Variants in POM121 observed in about 807,000 individuals in gnomAD.
The protein encoded by POM121 is POM121 transmembrane nucleoporin, also known as nuclear envelope pore membrane protein POM 121.
In POM121, 32 loss-of-function variants were observed where a neutral mutation model predicts 81.3. The observed-to-expected ratio is 0.39, with a 90% CI of 0.30 to 0.53. The LOEUF is 0.53. Among genes scored for constraint, POM121 ranks in the 20% least tolerant of loss-of-function variants. The probability of loss-of-function intolerance (pLI) is 0.66; values close to 1 mark genes in which losing one functional copy is unlikely to be tolerated. For synonymous variants in POM121, 514 were observed against 694.2 expected (o/e 0.74, Z 4.08); for missense variants, 1,138 against 1,614.6 (o/e 0.70, Z 5.06).
Position 72,945,565 on chromosome 7 carries a change from T to C in POM121, c.3530-21T>C, listed in dbSNP as rs370030052. 1,968 of 1,613,144 alleles carry C rather than the reference T, an allele frequency of 1.2e-3. 38 individuals are homozygous for C. The African/African-American group carries it at 0.025, about 20-fold the overall frequency. On this transcript the variant is annotated intron_variant, in intron 11 of 12. Transcript: ENST00000434423. ...CTCTGCCCTCTGCTCACTGGCCAGC[T>C]CTCTGTTCTCTTCATTCCAGGCACC... is the stretch of plus-strand genomic sequence containing the variant.
intron 4 of POM121, chr7:72,913,871 C>T (rs1794044400): frequency 2.0e-5 from 3 of 152,286 alleles, no homozygotes; most frequent in Admixed American, 6.5e-5. Flanking sequence ...CAGCCTGTAG[C>T]AGATGCTGTT....
rs1554496966 is a variant in POM121, at chr7:72,925,324, G to A, written c.203G>A (p.Gly68Glu). The change falls in exon 1 of 13, where the codon GGA becomes GAA. Residue 68 changes from glycine to glutamate, a missense_variant. Gly to Glu is a moderately conservative substitution (Grantham distance 98, BLOSUM62 -2). Coordinates refer to ENST00000434423, the MANE Select transcript of POM121 (RefSeq NM_001387691.1). ...GTGGGGGCTACCGCGGCCTGGTGGG[G>A]ACTGAGCCGCGAGCCCCGAGGTTCG... ...LTVGATAAWW[G>E]LSREPRGSRP... is the part of the protein sequence containing the mutation. 6.5e-7 allele frequency: 1 copy of A among 1,534,530 alleles called. No homozygotes were observed. Among genetic ancestry groups the A allele is most frequent in the East Asian group, 2.4e-5 (1 of 40,886 alleles).
In POM121 at chr7:72,947,014, C is replaced by CTT; in HGVS notation, c.*780_*781insTT. 1 of 925,042 alleles carries CTT rather than the reference C, an allele frequency of 1.1e-6. No homozygotes were observed. The highest frequency in any genetic ancestry group is 1.3e-6 in the Non-Finnish European group (1 of 790,412). The allele number at this position is 925,042 out of a possible 1,614,324, so 57.3% of individuals were successfully genotyped here. The stretch of plus-strand genomic sequence containing the variant: ...ACCGCTGCTTCAGCTGCCTCCTCGC[C>CTT]CAGCTACCCTTTGGCCCCATTGGGC... On this transcript the variant is annotated 3_prime_UTR_variant, in exon 13 of 13. Transcript: ENST00000434423.
At chr7:72,929,310 AAG>A (rs1223552128) in intron 4 of POM121, among the ~76,000 whole-genome samples, 2 of 152,224 alleles carry the variant, frequency 1.3e-5, no homozygotes, top group South Asian at 4.1e-4. Context: ...CCGTGGGTGA[AAG>A]AGGAAATACA....
rs1554502462 is a variant in POM121 at position 72,943,447 on chromosome 7, C to T, written c.3454C>T (p.Leu1152=). ...PFAGGLGQNA[L]GTTGQSTPFA... Reference sequence around the variant, plus strand: ...CGCAGGGGGCTTAGGTCAGAACGCCCTGGGCACCACCGGCCAGAGCACACC... The same window carrying T: ...CGCAGGGGGCTTAGGTCAGAACGCCTTGGGCACCACCGGCCAGAGCACACC... Residue 1152 remains leucine (L), a synonymous_variant, in exon 11 of 13, where the codon CTG becomes TTG. Transcript: ENST00000434423. 1 of 1,612,936 alleles carries T rather than the reference C, an allele frequency of 6.2e-7. No individual in the cohort carries two copies.
chr7:72,912,543 G>A (rs1321549817), intron 3 of POM121, among the ~76,000 whole-genome samples: 5 of 152,112 alleles, frequency 3.3e-5, no homozygotes, highest in South Asian at 2.1e-4. Flanking sequence ...TTGGGAGGCC[G>A]AAGCAGGTGG....
At chr7:72,880,550 T>A (rs1554489157) in intron 1 of POM121, among the ~76,000 whole-genome samples, 1 of 152,042 alleles carries the variant, frequency 6.6e-6, no homozygotes, top group African/African-American at 2.4e-5. Context: ...GCTCACATAC[T>A]CAATTCCTAT....
intron 1 of POM121, among the ~76,000 whole-genome samples, chr7:72,881,766 A>T (rs1205981380): frequency 1.3e-5 from 2 of 152,074 alleles, no homozygotes; most frequent in Non-Finnish European, 2.9e-5. Flanking sequence ...AGTAGCAGGG[A>T]TTACAGGCGT....
At chr7:72,892,180 C>A (rs1554490993) in intron 3 of POM121, among the ~76,000 whole-genome samples, 1 of 152,192 alleles carries the variant, frequency 6.6e-6, no homozygotes, top group East Asian at 1.9e-4. Flanking sequence ...TTCTTTGTAT[C>A]CCGTAAAAGA....
At chr7:72,937,100 C>CA (rs1426192645) in intron 5 of POM121, among the ~76,000 whole-genome samples, 5 of 152,040 alleles carry the variant, frequency 3.3e-5, no homozygotes. Context: ...ACTAAAGATA[C>CA]AAAAATTAGC....
intron 1 of POM121, among the ~76,000 whole-genome samples, chr7:72,883,914 ACTTTT>A (rs1249900176): frequency 9.2e-5 from 14 of 151,846 alleles, no homozygotes; most frequent in African/African-American, 2.9e-4. Context: ...TAGCCAACAT[ACTTTT>A]CTTTTCTTTT....
At chr7:72,898,816 A>T (rs1290692494) in intron 3 of POM121, among the ~76,000 whole-genome samples, 2 of 150,638 alleles carry the variant, frequency 1.3e-5, no homozygotes, top group Non-Finnish European at 3.0e-5. Context: ...AAAAAAAAAA[A>T]ATGCTGGAGT....
chr7:72,948,778 G>A (rs782779657), downstream of POM121: 5 of 1,581,360 alleles, frequency 3.2e-6, no homozygotes, highest in African/African-American at 6.8e-5. Flanking sequence ...TCAGGCCTCG[G>A]TGGGGCCGGG....
intron 3 of POM121, among the ~76,000 whole-genome samples, chr7:72,897,718 A>T (rs1792105963): frequency 6.6e-6 from 1 of 152,130 alleles, no homozygotes; most frequent in African/African-American, 2.4e-5. Flanking sequence ...CACATGCAGG[A>T]TGTATTTTGA....
chr7:72,913,904 ATC>A (rs1164329843), intron 4 of POM121: 2 of 152,160 alleles, frequency 1.3e-5, no homozygotes, highest in African/African-American at 4.8e-5. Flanking sequence ...CCACAGCCCT[ATC>A]TCCCATCCCA....
chr7:72,920,979 G>A (rs1173907115), upstream of POM121, among the ~76,000 whole-genome samples: 1 of 152,074 alleles, frequency 6.6e-6, no homozygotes, highest in Admixed American at 6.6e-5. Flanking sequence ...TCAGCAGTTT[G>A]AGACCAGCCT....
At chr7:72,928,729 CAGA>C (rs61072602) in intron 4 of POM121, among the ~76,000 whole-genome samples, 17,984 of 152,154 alleles carry the variant, frequency 0.12, 1,376 homozygotes, top group East Asian at 0.3. Context: ...AGCACATACA[CAGA>C]AGGATTGCAA....
chr7:72,924,982 A>G, upstream of POM121: 1 of 1,314,508 alleles, frequency 7.6e-7, no homozygotes, highest in Non-Finnish European at 9.7e-7. Context: ...GCATTTTCCA[A>G]ACCAGTTGGG....
chr7:72,937,386 C>T, intron 5 of POM121, among the ~76,000 whole-genome samples: 1 of 151,872 alleles, frequency 6.6e-6, no homozygotes, highest in Non-Finnish European at 1.5e-5. Context: ...TTTTTGTATT[C>T]TGCTCTTTTA....
Sources: allele counts gnomAD v4.1 joint callset (sites outside exome capture counted in the v4.1 genomes callset), GRCh38; gene constraint gnomAD v4.1.1; transcripts MANE v1.5; gene names NCBI Gene and HGNC (gene_info 2026-07-23, HGNC 2026-07-21).